PIWIL3: variants seen among roughly 807,000 people sequenced by gnomAD.
PIWIL3 encodes the protein piwi-like protein 3.
In PIWIL3, 101 loss-of-function variants were observed where a neutral mutation model predicts 109.7. The ratio of observed to expected loss-of-function variants is 0.92; its 90% CI spans 0.78 to 1.09. The LOEUF (loss-of-function observed/expected upper bound fraction) is 1.09, where lower values mean the gene tolerates loss of function less well. Ranked by LOEUF, PIWIL3 falls within the 50% of genes least tolerant of loss-of-function variation. PIWIL3 has a pLI of 0.00. For synonymous variants in PIWIL3, 373 were observed against 376.4 expected (o/e 0.99, Z 0.10); for missense variants, 1,031 against 1,072.6 (o/e 0.96, Z 0.54).
Position 24,759,881 on chromosome 22 carries a change from C to T in PIWIL3, c.211G>A (p.Ala71Thr). 2 of 1,614,086 alleles carry T rather than the reference C, an allele frequency of 1.2e-6. No individual in the cohort carries two copies. The highest frequency in any genetic ancestry group is 1.7e-6 in the Non-Finnish European group (2 of 1,179,990). ...RAARGGAGGG[A>T]QSQGVKEPGP... is the part of the protein sequence containing the mutation. ...TGCTTCCTTTCACCTTGAGACTGTG[C>T]TCCTCCTCCTGCTCCTCCTCTTGCT... The change falls in exon 3 of 21, where the codon GCA becomes ACA. Residue 71 changes from alanine to threonine, a missense_variant. Ala to Thr is a moderately conservative substitution (Grantham distance 58). Coordinates refer to ENST00000616349, the MANE Select transcript of PIWIL3 (RefSeq NM_001255975.1).
chr22:24,724,275 G>A (rs900873893), intron 18 of PIWIL3, among the ~76,000 whole-genome samples: 6 of 151,554 alleles, frequency 4.0e-5, no homozygotes, highest in African/African-American at 1.5e-4. Context: ...AGACTAAAAT[G>A]TAGAGCTAAA....
At chr22:24,746,324 T>C (rs1411548183) in intron 12 of PIWIL3, among the ~76,000 whole-genome samples, 1 of 152,226 alleles carries the variant, frequency 6.6e-6, no homozygotes, top group African/African-American at 2.4e-5. Context: ...CAAACTCATA[T>C]GATCATTTCA....
At position 24,723,263 on chromosome 22, in the gene PIWIL3, A is replaced by G. The variant is rs753495931; in HGVS notation, c.2232-8T>C. On this transcript the variant is annotated splice_polypyrimidine_tract_variant and splice_region_variant and intron_variant, in intron 18 of 20. Coordinates refer to ENST00000616349, the MANE Select transcript of PIWIL3 (RefSeq NM_001255975.1). ...ATGAAAGCTAGAGTGAAACTTAAAA[A>G]AATTAGGGTAAGTGTCACTATGTTT... 1.7e-5 allele frequency: 28 copies of G among 1,606,188 alleles called. No homozygotes were observed. The highest frequency in any genetic ancestry group is 3.4e-4 in the Middle Eastern group (2 of 5,864).
chr22:24,730,356 T>A (rs1923273575), intron 14 of PIWIL3, among the ~76,000 whole-genome samples: 1 of 94,084 alleles, frequency 1.1e-5, no homozygotes, highest in East Asian at 3.6e-4. Flanking sequence ...AGAGTGAGAC[T>A]CAGTCTCAAA....
intron 1 of PIWIL3, among the ~76,000 whole-genome samples, chr22:24,768,543 C>T (rs868767922): frequency 2.0e-5 from 3 of 152,186 alleles, no homozygotes; most frequent in Non-Finnish European, 2.9e-5. Flanking sequence ...TGAGCCCCCA[C>T]GCCTGGCCTG....
At position 24,722,935 on chromosome 22, in the gene PIWIL3, C is replaced by T. The variant is rs561610407; in HGVS notation, c.2357+195G>A. ...TTACAAAAGTTTGATGAAGAAACTT[C>T]GACAACCAGAAGACTCATCGCGATT... is the stretch of plus-strand genomic sequence containing the variant. On this transcript the variant is annotated intron_variant, in intron 19 of 20. Coordinates refer to ENST00000616349, the MANE Select transcript of PIWIL3 (RefSeq NM_001255975.1). Among the ~76,000 whole-genome samples the T allele has an allele frequency of 9.1e-4, 138 of 152,168 alleles. 1 individual carries two copies. Among genetic ancestry groups the T allele is most frequent in the Non-Finnish European group, 1.7e-3 (118 of 68,010 alleles).
intron 9 of PIWIL3, among the ~76,000 whole-genome samples, chr22:24,750,489 TTC>T (rs372403471): frequency 0.011 from 1,346 of 127,484 alleles, 67 homozygotes; most frequent in African/African-American, 0.015. Context: ...TTGATTTTTT[TTC>T]TTTTTTTTTT....
intron 12 of PIWIL3, among the ~76,000 whole-genome samples, chr22:24,744,204 A>AAAAAAAAAAAAAAAAAAAAAAAG (rs1924210395): frequency 6.7e-6 from 1 of 149,322 alleles, no homozygotes; most frequent in Non-Finnish European, 1.5e-5. Flanking sequence ...AAAAAAAAAA[A>AAAAAAAAAAAAAAAAAAAAAAAG]AAACAATGAT....
chr22:24,774,210 C>G (rs1926294655), intron 1 of PIWIL3, 112 bp downstream of exon 1: 1 of 152,094 alleles, frequency 6.6e-6, no homozygotes, highest in Admixed American at 6.6e-5. Flanking sequence ...TCTTGAAATC[C>G]AGCCTTGGAA....
chr22:24,723,572 C>G (rs996342990), intron 18 of PIWIL3, among the ~76,000 whole-genome samples: 3 of 152,138 alleles, frequency 2.0e-5, no homozygotes, highest in African/African-American at 7.2e-5. Flanking sequence ...TTTTGTAAGT[C>G]TTAGGGCTGG....
At chr22:24,728,487 T>G (rs1923130760) in intron 14 of PIWIL3, 113 bp from the exon 15 acceptor site, 3 of 1,268,266 alleles carry the variant, frequency 2.4e-6, no homozygotes, top group Non-Finnish European at 3.3e-6. Flanking sequence ...AGAGTCAATT[T>G]ATTAAGAAAA....
chr22:24,763,543 A>G (rs1039495669), intron 1 of PIWIL3, among the ~76,000 whole-genome samples: 2 of 151,890 alleles, frequency 1.3e-5, no homozygotes, highest in Non-Finnish European at 2.9e-5. Context: ...CAGGTGATCC[A>G]CCCGCCTCAG....
chr22:24,741,184 A>G (rs1377453585), intron 12 of PIWIL3, among the ~76,000 whole-genome samples: 1 of 152,238 alleles, frequency 6.6e-6, no homozygotes, highest in Non-Finnish European at 1.5e-5. Context: ...ATAGATGCAG[A>G]AAAAGCATTT....
chr22:24,765,451 A>G (rs1374488289), intron 1 of PIWIL3, among the ~76,000 whole-genome samples: 1 of 152,252 alleles, frequency 6.6e-6, no homozygotes, highest in Non-Finnish European at 1.5e-5. Flanking sequence ...CTGTTCACAG[A>G]AAAGCATGAT....
chr22:24,735,697 G>C lies in PIWIL3; in HGVS notation c.1634+11C>G. ...AATCGATTTTCAAATGGGAATTTCT[G>C]CTCTACTTACATTTCTGCTGGTTTC... On this transcript the variant is annotated intron_variant, in intron 13 of 20. Transcript: ENST00000616349. 6.4e-7 allele frequency: 1 copy of C among 1,565,484 alleles called. No homozygotes were observed. The highest frequency in any genetic ancestry group is 8.6e-7 in the Non-Finnish European group (1 of 1,160,314).
chr22:24,755,802 T>TA lies in PIWIL3; in HGVS notation c.673dup (p.Tyr225LeufsTer6). ...AACATACCTTCTAAAGAGAATGTTG[T>TA]AATAGCGTAGGCAATCTGGCGACGT... On this transcript the variant is annotated frameshift_variant, in exon 6 of 21. Transcript: ENST00000616349. LOFTEE classifies it high-confidence loss of function. 6.2e-7 allele frequency: 1 copy of TA among 1,614,096 alleles called. No homozygotes were observed.
intron 1 of PIWIL3, among the ~76,000 whole-genome samples, chr22:24,768,628 C>T (rs185562360): frequency 6.6e-6 from 1 of 152,286 alleles, no homozygotes; most frequent in Non-Finnish European, 1.5e-5. Context: ...GCAATGTCTC[C>T]CTCAGCCCTT....
At chr22:24,727,348 TG>T (rs1569096859) in intron 16 of PIWIL3, among the ~76,000 whole-genome samples, 3 of 152,338 alleles carry the variant, frequency 2.0e-5, no homozygotes, top group East Asian at 1.9e-4. Flanking sequence ...AAAGCAGGGA[TG>T]TTTTTTCTGG....
At chr22:24,737,849 G>A (rs1229753827) in intron 12 of PIWIL3, among the ~76,000 whole-genome samples, 2 of 152,136 alleles carry the variant, frequency 1.3e-5, no homozygotes, top group African/African-American at 4.8e-5. Context: ...GCCATGGGGT[G>A]AGGCTCCTCT....
Sources: allele counts gnomAD v4.1 joint callset (sites outside exome capture counted in the v4.1 genomes callset), GRCh38; gene constraint gnomAD v4.1.1; transcripts MANE v1.5; gene names NCBI Gene and HGNC (gene_info 2026-07-23, HGNC 2026-07-21).